Variants in COPB2 observed in about 807,000 individuals in gnomAD.
The protein encoded by COPB2 is coatomer subunit beta'.
COPB2 carries 16 observed loss-of-function variants against 120.8 expected under a neutral mutation model. That is an observed-to-expected ratio of 0.13 (90% CI 0.09 to 0.20). The LOEUF (loss-of-function observed/expected upper bound fraction) is 0.20, where lower values mean the gene tolerates loss of function less well. Among genes scored for constraint, COPB2 ranks in the 10% least tolerant of loss-of-function variants. The pLI is 1.00. For synonymous variants in COPB2, 332 were observed against 366.3 expected (o/e 0.91, Z 1.07); for missense variants, 794 against 1,076.5 (o/e 0.74, Z 3.67).
intron 1 of COPB2, 93 bp downstream of exon 1, chr3:139,389,455 A>G: frequency 7.0e-7 from 1 of 1,425,048 alleles, no homozygotes; most frequent in South Asian, 1.5e-5. Context: ...GCGGGAGCCC[A>G]GACCACTGCT....
intron 1 of COPB2, among the ~76,000 whole-genome samples, chr3:139,384,413 C>A (rs1260593876): frequency 6.6e-6 from 1 of 152,178 alleles, no homozygotes; most frequent in Non-Finnish European, 1.5e-5. Flanking sequence ...GTGAGTTTTT[C>A]AAAATTCGAA....
Position 139,362,161 on chromosome 3 carries a change from G to C in COPB2, c.1995+246C>G, listed in dbSNP as rs111464504. Among the ~76,000 whole-genome samples, 38 of 152,134 alleles carry C rather than the reference G, an allele frequency of 2.5e-4. 1 individual carries two copies. In the South Asian group the frequency reaches 5.2e-3, roughly 21 times the overall value. On this transcript the variant is annotated intron_variant, in intron 16 of 21. Transcript: ENST00000333188. ...ATCTTGCAAAATAGAGCTCACATAA[G>C]ATATGAAAACAATTTTTCTTAAAAC...
At chr3:139,367,327 C>A (rs1396929808) in intron 13 of COPB2, among the ~76,000 whole-genome samples, 182 bp from the exon 14 acceptor site, 1 of 149,576 alleles carries the variant, frequency 6.7e-6, no homozygotes, top group Non-Finnish European at 1.5e-5. Flanking sequence ...GTCTCTGTTG[C>A]CCAGGCTGTA....
At chr3:139,377,236 T>A (rs531030631) in intron 5 of COPB2, among the ~76,000 whole-genome samples, 2 of 136,588 alleles carry the variant, frequency 1.5e-5, no homozygotes, top group South Asian at 4.8e-4. Context: ...AAACGTGTAA[T>A]AATAATTCAA....
rs761153916 is a variant in COPB2, at chr3:139,361,200, C to T, written c.2091G>A (p.Gly697=). 19 of 1,614,210 alleles carry T rather than the reference C, an allele frequency of 1.2e-5. No homozygotes were observed. The highest frequency in any genetic ancestry group is 1.6e-4 in the Middle Eastern group (1 of 6,062). ...AGGCAGTGGCCAAAAGCAGCAGGCC[C>T]CCATAATCCTGTGCATGATGCAGGC... ...QECLHHAQDY[G]GLLLLATASG... The change falls in exon 17 of 22, where the codon GGG becomes GGA. Residue 697 remains glycine, a synonymous_variant. Coordinates refer to ENST00000333188, the MANE Select transcript of COPB2 (RefSeq NM_004766.3).
chr3:139,376,560 C>T (rs1941715497), intron 5 of COPB2, among the ~76,000 whole-genome samples: 2 of 152,116 alleles, frequency 1.3e-5, no homozygotes, highest in Non-Finnish European at 2.9e-5. Flanking sequence ...CAAAGTTAAT[C>T]TATGTCAAAA....
chr3:139,368,054 T>C, intron 13 of COPB2, 91 bp downstream of exon 13: 1 of 1,403,160 alleles, frequency 7.1e-7, no homozygotes, highest in Admixed American at 2.5e-5. Context: ...ACCTAATTTA[T>C]AACGAAATGT....
rs756847689 is a variant in COPB2, at chr3:139,375,600, G to T, written c.519C>A (p.Gly173=). The T allele has an allele frequency of 3.1e-6, 5 of 1,613,852 alleles. No individual in the cohort carries two copies. Among genetic ancestry groups the T allele is most frequent in the Non-Finnish European group, 4.2e-6 (5 of 1,179,844 alleles). Residue 173 remains glycine (G), a synonymous_variant, in exon 6 of 22, where the codon GGC becomes GGA. Coordinates refer to ENST00000333188, the MANE Select transcript of COPB2 (RefSeq NM_004766.3). ...LDRTIKVWQL[G]SSSPNFTLEG... The stretch of plus-strand genomic sequence containing the variant: ...CCAAAGTGAAGTTTGGTGACGAAGA[G>T]CCCAACTGCCACACCTGCAGAGAGA...
intron 17 of COPB2, among the ~76,000 whole-genome samples, chr3:139,360,578 T>C (rs1301171071): frequency 1.3e-5 from 2 of 150,926 alleles, no homozygotes; most frequent in African/African-American, 2.4e-5. Flanking sequence ...TACTGCCAAC[T>C]AATGTCCAAA....
chr3:139,375,154 G>C (rs1156946434), intron 6 of COPB2, among the ~76,000 whole-genome samples: 1 of 152,192 alleles, frequency 6.6e-6, no homozygotes, highest in Non-Finnish European at 1.5e-5. Context: ...GGTAATTGTT[G>C]ATCTGCTAGC....
intron 3 of COPB2, 85 bp from the exon 4 acceptor site, chr3:139,379,258 T>G: frequency 1.3e-6 from 2 of 1,553,478 alleles, no homozygotes; most frequent in Non-Finnish European, 8.8e-7. Context: ...AGGAATAAAG[T>G]CTATGCCTCA....
intron 17 of COPB2, among the ~76,000 whole-genome samples, chr3:139,360,289 C>T (rs1446465105): frequency 1.3e-5 from 2 of 151,450 alleles, no homozygotes; most frequent in South Asian, 2.1e-4. Context: ...TTTGGGAGGA[C>T]GAGGCAGGCG....
chr3:139,357,762 C>A lies in COPB2; in HGVS notation c.*101G>T. On this transcript the variant is annotated 3_prime_UTR_variant, in exon 22 of 22. Coordinates refer to ENST00000333188, the MANE Select transcript of COPB2 (RefSeq NM_004766.3). ...GTCCACAGCATTTACATATAAAAATCTAAGAAGTTTCTCATAGTCCAAAGC... is the reference window on the plus strand; with the variant it reads ...GTCCACAGCATTTACATATAAAAATATAAGAAGTTTCTCATAGTCCAAAGC... 1.8e-6 allele frequency: 1 copy of A among 552,608 alleles called. No homozygotes were observed. The highest frequency in any genetic ancestry group is 3.1e-5 in the East Asian group (1 of 31,842). The allele number at this position is 552,608 out of a possible 1,614,324, so 34.2% of individuals were successfully genotyped here.
intron 15 of COPB2, among the ~76,000 whole-genome samples, chr3:139,363,411 G>A (rs1941462035): frequency 6.6e-6 from 1 of 152,138 alleles, no homozygotes; most frequent in South Asian, 2.1e-4. Context: ...TGCTCTTTAT[G>A]AGACTCTTAA....
intron 2 of COPB2, chr3:139,380,745 G>C (rs1457456688): frequency 2.6e-5 from 4 of 152,188 alleles, no homozygotes; most frequent in African/African-American, 9.7e-5. Flanking sequence ...AGATTCTTTA[G>C]ACAAAGGCTG....
intron 20 of COPB2, 88 bp from the exon 21 acceptor site, chr3:139,358,359 T>A: frequency 8.5e-7 from 1 of 1,173,710 alleles, no homozygotes; most frequent in African/African-American, 1.5e-5. Context: ...TGATCAGAAT[T>A]AGGAAGTGGG....
At chr3:139,379,584 G>A in intron 2 of COPB2, 118 bp from the exon 3 acceptor site, 19 of 745,260 alleles carry the variant, frequency 2.5e-5, no homozygotes, top group South Asian at 6.4e-5. Flanking sequence ...TATATTCTCA[G>A]GCTAAAATAT....
Position 139,374,671 on chromosome 3 carries a change from C to T in COPB2, c.652-83G>A, listed in dbSNP as rs186798337. 19 of 1,023,994 alleles carry T rather than the reference C, an allele frequency of 1.9e-5. No individual in the cohort carries two copies. The Admixed American group carries it at 4.4e-4, about 24-fold the overall frequency. The allele number at this position is 1,023,994 out of a possible 1,614,324, so 63.4% of individuals were successfully genotyped here. On this transcript the variant is annotated intron_variant, in intron 6 of 21. Transcript: ENST00000333188. ...CCTTAATTTTCTCAGTGTACAGATA[C>T]ATTATAAATGATAGTAGTCATGAAA...
At chr3:139,367,207 C>T in intron 13 of COPB2, 62 bp from the exon 14 acceptor site, 1 of 1,553,606 alleles carries the variant, frequency 6.4e-7, no homozygotes, top group South Asian at 1.2e-5. Context: ...CAATAAAAAG[C>T]TGAATATATC....
Sources: allele counts gnomAD v4.1 joint callset (sites outside exome capture counted in the v4.1 genomes callset), GRCh38; gene constraint gnomAD v4.1.1; transcripts MANE v1.5; gene names NCBI Gene and HGNC (gene_info 2026-07-23, HGNC 2026-07-21).